UGT1A8: variants seen among roughly 807,000 people sequenced by gnomAD.
UGT1A8 encodes the protein UDP glucuronosyltransferase family 1 member A8.
A neutral mutation model predicts 45.3 loss-of-function variants in UGT1A8; 39 were observed. The ratio of observed to expected loss-of-function variants is 0.86; its 90% CI spans 0.67 to 1.12. The LOEUF (loss-of-function observed/expected upper bound fraction) is 1.12, where lower values mean the gene tolerates loss of function less well. Among genes scored for constraint, UGT1A8 ranks in the 50% most tolerant of loss-of-function variants. UGT1A8 has a pLI of 0.00. For synonymous variants in UGT1A8, 275 were observed against 249.2 expected (o/e 1.10, Z -0.97); for missense variants, 719 against 664.9 (o/e 1.08, Z -0.90).
At chr2:233,700,633 T>C (rs2075577336) in intron 1 of UGT1A8, among the ~76,000 whole-genome samples, 1 of 152,220 alleles carries the variant, frequency 6.6e-6, no homozygotes, top group African/African-American at 2.4e-5. Context: ...TAAGATTTAA[T>C]GACTTTAAGT....
rs1027295336 is a variant in UGT1A8 at position 233,628,242 on chromosome 2, G to A, written c.855+9680G>A. 2.6e-5 allele frequency among the ~76,000 whole-genome samples: 4 copies of A among 151,922 alleles called. No individual in the cohort carries two copies. The East Asian group carries it at 7.7e-4, about 29-fold the overall frequency. The stretch of plus-strand genomic sequence containing the variant: ...TTTTAAAGTAATAAATAATAACATG[G>A]TATCTGCACATGGTTTCTGCAGTCA... On this transcript the variant is annotated intron_variant, in intron 1 of 4. Coordinates refer to ENST00000373450, the MANE Select transcript of UGT1A8 (RefSeq NM_019076.5).
chr2:233,764,974 G>A (rs1027319616), intron 1 of UGT1A8, among the ~76,000 whole-genome samples: 4 of 152,116 alleles, frequency 2.6e-5, no homozygotes, highest in African/African-American at 9.7e-5. Flanking sequence ...GAGAAGGATG[G>A]TCAGTGTCTG....
At chr2:233,702,121 A>G (rs1297535500) in intron 1 of UGT1A8, among the ~76,000 whole-genome samples, 1 of 152,030 alleles carries the variant, frequency 6.6e-6, no homozygotes, top group Non-Finnish European at 1.5e-5. Context: ...ACCTTAGAAC[A>G]TTTTCAGTCA....
chr2:233,671,962 C>A lies in UGT1A8; in HGVS notation c.855+53400C>A, dbSNP rs1413995166. 3 of 1,613,690 alleles carry A rather than the reference C, an allele frequency of 1.9e-6. No individual in the cohort carries two copies. Among genetic ancestry groups the A allele is most frequent in the East Asian group, 4.5e-5 (2 of 44,884 alleles). ...GGCTTGCACAGGGTGGACCAGCCCC[C>A]TTCCTCTATGTGTGTGTCTGCTGCT... is the stretch of plus-strand genomic sequence containing the variant. On this transcript the variant is annotated intron_variant, in intron 1 of 4. Coordinates refer to ENST00000373450, the MANE Select transcript of UGT1A8 (RefSeq NM_019076.5).
intron 1 of UGT1A8, among the ~76,000 whole-genome samples, chr2:233,628,794 C>T (rs1036972226): frequency 7.2e-5 from 11 of 151,980 alleles, no homozygotes; most frequent in African/African-American, 1.4e-4. Flanking sequence ...CTTTATTTTC[C>T]GAGTTTGTTG....
chr2:233,650,227 C>T (rs2073706133), intron 1 of UGT1A8, among the ~76,000 whole-genome samples: 1 of 152,202 alleles, frequency 6.6e-6, no homozygotes, highest in African/African-American at 2.4e-5. Flanking sequence ...GCCTCGGCCT[C>T]CCAAAGTGCT....
chr2:233,652,273 T>C (rs2073760454), intron 1 of UGT1A8, among the ~76,000 whole-genome samples: 1 of 152,216 alleles, frequency 6.6e-6, no homozygotes, highest in South Asian at 2.1e-4. Flanking sequence ...TTCAACTTTT[T>C]TTTGTCAAAG....
chr2:233,636,532 G>A (rs756885476), intron 1 of UGT1A8: 105 of 1,612,936 alleles, frequency 6.5e-5, no homozygotes, highest in Middle Eastern at 1.6e-4. Flanking sequence ...CATGGCTCGC[G>A]CAGGGTGGAC....
At chr2:233,697,288 T>G (rs929797712) in intron 1 of UGT1A8, among the ~76,000 whole-genome samples, 1 of 152,166 alleles carries the variant, frequency 6.6e-6, no homozygotes, top group African/African-American at 2.4e-5. Context: ...TTTCTATTTC[T>G]TCTTCATTCA....
At chr2:233,677,348 T>C (rs751226951) in intron 1 of UGT1A8, among the ~76,000 whole-genome samples, 21 of 152,102 alleles carry the variant, frequency 1.4e-4, no homozygotes, top group Non-Finnish European at 2.9e-4. Flanking sequence ...CCCTGAACAA[T>C]GTGGGAATGA....
chr2:233,664,152 C>T (rs1165094196), intron 1 of UGT1A8, among the ~76,000 whole-genome samples: 1 of 152,160 alleles, frequency 6.6e-6, no homozygotes, highest in Non-Finnish European at 1.5e-5. Context: ...CAAATAACTT[C>T]CTCATTTTCA....
chr2:233,718,709 A>T, intron 1 of UGT1A8: 1 of 1,605,752 alleles, frequency 6.2e-7, no homozygotes, highest in African/African-American at 1.3e-5. Context: ...TTGTCTTCCA[A>T]TTACATGCTG....
intron 1 of UGT1A8, among the ~76,000 whole-genome samples, chr2:233,722,802 C>T (rs1232837199): frequency 1.3e-5 from 2 of 150,390 alleles, no homozygotes; most frequent in East Asian, 3.9e-4. Context: ...AGTCATCTCC[C>T]TCTTATTTTT....
At chr2:233,629,012 T>C (rs1420732360) in intron 1 of UGT1A8, among the ~76,000 whole-genome samples, 2 of 152,120 alleles carry the variant, frequency 1.3e-5, no homozygotes, top group African/African-American at 4.8e-5. Flanking sequence ...CACAGTTCAG[T>C]ATTGAGTACG....
chr2:233,731,692 C>A (rs936290602), intron 1 of UGT1A8, among the ~76,000 whole-genome samples: 1 of 152,182 alleles, frequency 6.6e-6, no homozygotes. Context: ...CATTGATGGA[C>A]ATTTGGATTG....
At chr2:233,681,849 T>C (rs2074542229) in intron 1 of UGT1A8, 8 of 1,519,206 alleles carry the variant, frequency 5.3e-6, no homozygotes, top group African/African-American at 1.4e-5. Context: ...ACGCCTTCTT[T>C]TGAGGGCAGG....
At position 233,624,939 on chromosome 2, in the gene UGT1A8, G is replaced by A. The variant is rs2073065906; in HGVS notation, c.855+6377G>A. ...TTATTCCAATTTTTAATTGTTCATT[G>A]CTAGTATAGTTGACCCCTGAACAAT... On this transcript the variant is annotated intron_variant, in intron 1 of 4. Transcript: ENST00000373450. Among the ~76,000 whole-genome samples, 2 of 151,900 alleles carry A rather than the reference G, an allele frequency of 1.3e-5. 1 individual carries two copies. Among genetic ancestry groups the A allele is most frequent in the South Asian group, 4.1e-4 (2 of 4,826 alleles).
chr2:233,760,978 G>A, intron 1 of UGT1A8: 1 of 1,614,208 alleles, frequency 6.2e-7, no homozygotes, highest in Non-Finnish European at 8.5e-7. Flanking sequence ...TTCCCCGTAT[G>A]CAACCCTTGC....
intron 1 of UGT1A8, among the ~76,000 whole-genome samples, chr2:233,634,983 G>GTT (rs201283363): frequency 0.039 from 5,869 of 150,838 alleles, 279 homozygotes; most frequent in Non-Finnish European, 0.06. Context: ...AGGAGCTCTT[G>GTT]TAAGGCAGGC....
Sources: gnomAD v4.1 joint callset for allele counts (sites outside exome capture counted in the v4.1 genomes callset) on GRCh38, gnomAD v4.1.1 for gene constraint, MANE v1.5 for transcripts, NCBI Gene and HGNC (gene_info 2026-07-23, HGNC 2026-07-21) for gene names.